The following DLG2 variants were observed in gnomAD, a reference collection of about 807,000 sequenced individuals.
DLG2 encodes disks large homolog 2.
In DLG2, 45 loss-of-function variants were observed where a neutral mutation model predicts 132.5. The ratio of observed to expected loss-of-function variants is 0.34; its 90% CI spans 0.27 to 0.44. The LOEUF (loss-of-function observed/expected upper bound fraction) is 0.44. DLG2 is among the 20% of genes least tolerant of loss of function. The pLI is 1.00. For synonymous variants in DLG2, 424 were observed against 419.6 expected, an observed-to-expected ratio of 1.01 and a Z score of -0.13; for missense variants, 1,045 against 1,196.9, an observed-to-expected ratio of 0.87 and a Z score of 1.87.
At chr11:83,902,894 T>C (rs2073847957) in intron 15 of DLG2, among the ~76,000 whole-genome samples, 1 of 152,168 alleles carries the variant, frequency 6.6e-6, no homozygotes, top group East Asian at 1.9e-4. Flanking sequence ...TGAGATGTGG[T>C]GACTCAAATG....
At chr11:85,024,957 T>A (rs546496319) in intron 6 of DLG2, among the ~76,000 whole-genome samples, 1 of 152,204 alleles carries the variant, frequency 6.6e-6, no homozygotes, top group Non-Finnish European at 1.5e-5. Flanking sequence ...GAATATTCCA[T>A]TGATTGGCAA....
chr11:84,484,248 T>C (rs910314615), intron 7 of DLG2, among the ~76,000 whole-genome samples: 1 of 152,178 alleles, frequency 6.6e-6, no homozygotes, highest in Non-Finnish European at 1.5e-5. Context: ...TGGTGGATGA[T>C]TGTAAAAGCT....
At chr11:84,801,302 T>G (rs1185288351) in intron 6 of DLG2, among the ~76,000 whole-genome samples, 1 of 152,154 alleles carries the variant, frequency 6.6e-6, no homozygotes, top group Non-Finnish European at 1.5e-5. Flanking sequence ...CCAGGCGCCA[T>G]GACTCACGCC....
At chr11:84,605,438 C>T (rs2099583729) in intron 6 of DLG2, among the ~76,000 whole-genome samples, 1 of 151,824 alleles carries the variant, frequency 6.6e-6, no homozygotes, top group African/African-American at 2.4e-5. Context: ...TTCGTCAGTA[C>T]TAATTATTAT....
In DLG2 at chr11:85,431,767, T is replaced by A. The variant is rs188481969; in HGVS notation, c.41-146402A>T. On this transcript the variant is annotated intron_variant, in intron 3 of 27. Transcript: ENST00000376104. The stretch of plus-strand genomic sequence containing the variant: ...CTCTGAGGAATCTGGACAACCCAGA[T>A]GAGTGGGGTCCCCCCAGCACAGCAC... Among the ~76,000 whole-genome samples the A allele has an allele frequency of 3.7e-4, 56 of 152,356 alleles. 1 individual carries two copies. The highest frequency in any genetic ancestry group is 1.3e-3 in the African/African-American group (55 of 41,592).
intron 4 of DLG2, among the ~76,000 whole-genome samples, chr11:85,172,826 C>A (rs1301478195): frequency 6.6e-6 from 1 of 151,942 alleles, no homozygotes; most frequent in Non-Finnish European, 1.5e-5. Context: ...TACAATGCGA[C>A]CACAAGTATC....
intron 10 of DLG2, among the ~76,000 whole-genome samples, chr11:84,091,003 A>G: frequency 6.6e-6 from 1 of 152,340 alleles, no homozygotes; most frequent in East Asian, 1.9e-4. Context: ...AGTATGATCT[A>G]AACTAAGTTT....
intron 3 of DLG2, among the ~76,000 whole-genome samples, chr11:85,322,828 T>G (rs1176746996): frequency 2.0e-5 from 3 of 152,144 alleles, no homozygotes; most frequent in Non-Finnish European, 4.4e-5. Context: ...TCTTGATTTG[T>G]CAATTTTTCC....
At chr11:84,579,942 G>A (rs1484970565) in intron 6 of DLG2, among the ~76,000 whole-genome samples, 2 of 152,322 alleles carry the variant, frequency 1.3e-5, no homozygotes, top group East Asian at 3.9e-4. Context: ...CAAACTTCTG[G>A]TTGGAGCAGC....
chr11:83,517,336 G>A (rs570307471), intron 21 of DLG2, among the ~76,000 whole-genome samples: 10 of 152,192 alleles, frequency 6.6e-5, no homozygotes, highest in South Asian at 2.1e-4. Flanking sequence ...TTGTGCATTC[G>A]TCACGTAGTT....
intron 3 of DLG2, among the ~76,000 whole-genome samples, chr11:85,546,987 C>T (rs1471752019): frequency 6.6e-6 from 1 of 151,986 alleles, no homozygotes; most frequent in Non-Finnish European, 1.5e-5. Context: ...TTAATTGGGG[C>T]ATTTAGTCCA....
At chr11:84,194,449 T>A (rs1303774240) in intron 8 of DLG2, among the ~76,000 whole-genome samples, 1 of 151,508 alleles carries the variant, frequency 6.6e-6, no homozygotes, top group African/African-American at 2.4e-5. Context: ...ACCCAAAGAG[T>A]GAGCAGCAGG....
chr11:84,317,797 C>T (rs891626745), intron 7 of DLG2, among the ~76,000 whole-genome samples: 3 of 152,182 alleles, frequency 2.0e-5, no homozygotes, highest in Admixed American at 2.0e-4. Flanking sequence ...CTCTGAAGAA[C>T]ATAAATTCAT....
chr11:84,105,626 A>G (rs565404781), intron 9 of DLG2, among the ~76,000 whole-genome samples: 86 of 152,312 alleles, frequency 5.6e-4, no homozygotes, highest in African/African-American at 2.0e-3. Context: ...TTGTTAAAAC[A>G]AAACTTAGCT....
Position 83,484,192 on chromosome 11 carries a change from A to AAAAG in DLG2, c.2226_2229dup (p.Ser744LeufsTer15). ...TTCTTGTAGAATGGGAATTTTCGTG[A>AAAAG]AAAGATGAAGCTCTTTTTACGCTTG... On this transcript the variant is annotated frameshift_variant, in exon 22 of 28. Transcript: ENST00000376104. LOFTEE classifies it high-confidence loss of function. 1 of 1,613,464 alleles carries AAAAG rather than the reference A, an allele frequency of 6.2e-7. No homozygotes were observed. The highest frequency in any genetic ancestry group is 2.2e-5 in the East Asian group (1 of 44,860).
intron 3 of DLG2, among the ~76,000 whole-genome samples, chr11:85,467,337 C>T (rs1425624968): frequency 1.3e-5 from 2 of 152,102 alleles, no homozygotes; most frequent in Non-Finnish European, 2.9e-5. Context: ...CCAGAACTTC[C>T]AACACTATGT....
At chr11:85,137,029 A>C (rs2076180763) in intron 5 of DLG2, among the ~76,000 whole-genome samples, 1 of 152,044 alleles carries the variant, frequency 6.6e-6, no homozygotes, top group South Asian at 2.1e-4. Context: ...AAAATTTAAA[A>C]ATAAATATAT....
chr11:85,364,494 A>T (rs1035095027), intron 3 of DLG2, among the ~76,000 whole-genome samples: 1 of 152,204 alleles, frequency 6.6e-6, no homozygotes, highest in African/African-American at 2.4e-5. Flanking sequence ...GACTGATTCT[A>T]CACTGACACA....
At position 83,765,772 on chromosome 11, in the gene DLG2, C is replaced by T. The variant is rs554405635; in HGVS notation, c.1825+20918G>A. On this transcript the variant is annotated intron_variant, in intron 18 of 27. Coordinates refer to ENST00000376104, the MANE Select transcript of DLG2 (RefSeq NM_001142699.3). ...GAACATAGGAGGCACAATATATGTA[C>T]AATTGAGTTTCTCCAACTGAACAGA... is the stretch of plus-strand genomic sequence containing the variant. 2.0e-5 allele frequency among the ~76,000 whole-genome samples: 3 copies of T among 152,278 alleles called. No homozygotes were observed. The South Asian group carries it at 6.2e-4, about 32-fold the overall frequency.
Sources: gnomAD v4.1 joint callset for allele counts (sites outside exome capture counted in the v4.1 genomes callset) on GRCh38, gnomAD v4.1.1 for gene constraint, MANE v1.5 for transcripts, NCBI Gene and HGNC (gene_info 2026-07-23, HGNC 2026-07-21) for gene names.